SHOX: variants seen among roughly 807,000 people sequenced by gnomAD.
SHOX encodes the protein SHOX homeobox.
SHOX carries 12 observed loss-of-function variants against 29.6 expected under a neutral mutation model. The observed-to-expected ratio is 0.41, with a 90% CI of 0.26 to 0.66. The LOEUF (loss-of-function observed/expected upper bound fraction) is 0.66, where lower values mean the gene tolerates loss of function less well. SHOX is among the 30% of genes least tolerant of loss of function. The probability of loss-of-function intolerance (pLI) is 0.35; values close to 1 mark genes in which losing one functional copy is unlikely to be tolerated. For missense variants in SHOX, 499 were observed against 437.7 expected, an observed-to-expected ratio of 1.14 and a Z score of -1.25; for synonymous variants, 214 against 200.6, an observed-to-expected ratio of 1.07 and a Z score of -0.57.
rs1384107516 is a variant in SHOX, at chrX:646,671, A to G, written c.*2035A>G. 1 of 152,170 alleles carries G rather than the reference A, an allele frequency of 6.6e-6. No homozygotes were observed. Among genetic ancestry groups the G allele is most frequent in the African/African-American group, 2.4e-5 (1 of 41,438 alleles). The allele number at this position is 152,170 out of a possible 1,614,324, so 9.4% of individuals were successfully genotyped here. ...TTTATACAAACCAAAAGTCCCCTTC[A>G]ACATTTTTTATGTCAAAATGTTACA... On this transcript the variant is annotated 3_prime_UTR_variant, in exon 5 of 5. Transcript: ENST00000686671.
At chrX:626,508 CTT>C (rs2052538125), upstream of SHOX, among the ~76,000 whole-genome samples, 1 of 119,672 alleles carries the variant, frequency 8.4e-6, no homozygotes, top group African/African-American at 3.8e-5. Flanking sequence ...CTCTCTGTCT[CTT>C]TTTCTCTGTC....
upstream of SHOX, among the ~76,000 whole-genome samples, chrX:627,249 CCT>C (rs1212272330): frequency 1.3e-5 from 2 of 152,266 alleles, no homozygotes; most frequent in South Asian, 4.1e-4. Flanking sequence ...GGAGCTGCGG[CCT>C]CTCGGACAGC....
intron 1 of SHOX, chrX:631,981 C>A: frequency 2.2e-6 from 1 of 456,104 alleles, no homozygotes; most frequent in South Asian, 1.5e-5. Context: ...AGACTCGAGG[C>A]TGCGTGGTAG....
Position 647,163 on chromosome X carries a change from G to A in SHOX, c.*2527G>A, listed in dbSNP as rs1394276783. The stretch of plus-strand genomic sequence containing the variant: ...ACAATCTCGGCTCACCGCAACCTCC[G>A]CCTCCCGGGTTCAAGCCATTCTCCT... On this transcript the variant is annotated 3_prime_UTR_variant, in exon 5 of 5. Coordinates refer to ENST00000686671, the MANE Select transcript of SHOX (RefSeq NM_000451.4). Among the ~76,000 whole-genome samples, 3 of 152,178 alleles carry A rather than the reference G, an allele frequency of 2.0e-5. No individual in the cohort carries two copies. Among genetic ancestry groups the A allele is most frequent in the Non-Finnish European group, 4.4e-5 (3 of 68,034 alleles).
chrX:642,306 G>T (rs1382174678), intron 4 of SHOX, among the ~76,000 whole-genome samples: 11 of 152,152 alleles, frequency 7.2e-5, no homozygotes, highest in East Asian at 3.9e-4. Context: ...GGCTTGGGGG[G>T]GGGGCTCTGG....
chrX:644,265 C>A (rs2052922265), intron 4 of SHOX, 126 bp from the exon 5 acceptor site: 3 of 1,240,122 alleles, frequency 2.4e-6, no homozygotes, highest in Non-Finnish European at 3.2e-6. Context: ...GTGGTCTCCA[C>A]GGCTGGAGAA....
upstream of SHOX, among the ~76,000 whole-genome samples, chrX:629,185 C>G (rs2052600750): frequency 1.3e-5 from 2 of 149,052 alleles, no homozygotes; most frequent in Admixed American, 6.6e-5. Context: ...CTCTCTTTCT[C>G]TCTCTCTATC....
upstream of SHOX, among the ~76,000 whole-genome samples, chrX:628,367 C>T (rs1205312914): frequency 6.8e-6 from 1 of 147,008 alleles, no homozygotes; most frequent in Non-Finnish European, 1.5e-5. Context: ...CTCTCCCTGT[C>T]TGTTTCTCTC....
At chrX:630,741 G>A (rs755908827), upstream of SHOX, 1 of 916,960 alleles carries the variant, frequency 1.1e-6, no homozygotes, top group African/African-American at 1.6e-5. Context: ...GCGCATGGGG[G>A]GCTGGGCGAG....
At position 649,641 on chromosome X, in the gene SHOX, C is replaced by T. The variant is rs1436886293; in HGVS notation, c.*5005C>T. Among the ~76,000 whole-genome samples, 3 of 152,248 alleles carry T rather than the reference C, an allele frequency of 2.0e-5. No individual in the cohort carries two copies. The highest frequency in any genetic ancestry group is 1.9e-4 in the East Asian group (1 of 5,160). On this transcript the variant is annotated 3_prime_UTR_variant, in exon 5 of 5. Transcript: ENST00000686671. Reference sequence around the variant, plus strand: ...GCAAGGAATACCACCCAGAGAGCAACGTGGGCTGTGTTCCGATGTAACGCC... The same window carrying T: ...GCAAGGAATACCACCCAGAGAGCAATGTGGGCTGTGTTCCGATGTAACGCC...
At chrX:626,927 GTC>G (rs1423534170), upstream of SHOX, among the ~76,000 whole-genome samples, 1 of 141,794 alleles carries the variant, frequency 7.1e-6, no homozygotes, top group Non-Finnish European at 1.5e-5. Flanking sequence ...CTCTACCTGT[GTC>G]TCTCTTTCCT....
intron 3 of SHOX, 59 bp from the exon 4 acceptor site, chrX:640,940 G>A (rs1392387165): frequency 9.9e-6 from 16 of 1,613,198 alleles, no homozygotes; most frequent in African/African-American, 2.7e-5. Flanking sequence ...GGATGGGGTC[G>A]ACGAGGTGCT....
chrX:643,611 C>G, intron 4 of SHOX, among the ~76,000 whole-genome samples: 1 of 134,732 alleles, frequency 7.4e-6, no homozygotes, highest in African/African-American at 3.0e-5. Context: ...GACCTGGTGT[C>G]CTGGGAGAGC....
chrX:630,887 C>T lies in SHOX; in HGVS notation c.-11C>T, dbSNP rs1012127192. The T allele has an allele frequency of 6.2e-7, 1 of 1,612,664 alleles. No individual in the cohort carries two copies. The highest frequency in any genetic ancestry group is 1.3e-5 in the African/African-American group (1 of 74,924). On this transcript the variant is annotated 5_prime_UTR_variant, in exon 1 of 5. Coordinates refer to ENST00000686671, the MANE Select transcript of SHOX (RefSeq NM_000451.4). ...ACCAGCCCCGGCTGCTCGCCAGCCCCGGCCCCAGCCATGGAAGAGCTCACG... is the reference window on the plus strand; with the variant it reads ...ACCAGCCCCGGCTGCTCGCCAGCCCTGGCCCCAGCCATGGAAGAGCTCACG...
intron 2 of SHOX, among the ~76,000 whole-genome samples, chrX:638,432 A>T (rs1441210688): frequency 6.6e-6 from 1 of 152,082 alleles, no homozygotes; most frequent in Non-Finnish European, 1.5e-5. Context: ...GCACAGTGGC[A>T]GGTCACCTGG....
rs1314906630 is a variant in SHOX, at chrX:645,780, G to A, written c.*1144G>A. On this transcript the variant is annotated 3_prime_UTR_variant, in exon 5 of 5. Coordinates refer to ENST00000686671, the MANE Select transcript of SHOX (RefSeq NM_000451.4). ...TTTGGTACCTGAGCTGTTTCTGGTT[G>A]GGAAGCGTAAAAGCCAGGGAGAGAT... 2.0e-5 allele frequency: 3 copies of A among 152,238 alleles called. No individual in the cohort carries two copies. The highest frequency in any genetic ancestry group is 4.4e-5 in the Non-Finnish European group (3 of 68,066). 9.4% of individuals were successfully genotyped at this position (152,238 alleles called of 1,614,324 possible).
chrX:629,089 A>C (rs1314695905), upstream of SHOX, among the ~76,000 whole-genome samples: 34 of 63,472 alleles, frequency 5.4e-4, no homozygotes, highest in South Asian at 2.0e-3. Context: ...CTCTCTCTCC[A>C]TCTCTCTCTG....
At chrX:658,626 G>A (rs28612731) in intron 5 of SHOX, among the ~76,000 whole-genome samples, 41,338 of 149,518 alleles carry the variant, frequency 0.28, 6,617 homozygotes, top group African/African-American at 0.45. Context: ...GCCCGCCACC[G>A]CGCCCGGCTA....
chrX:644,922 G>A lies in SHOX; in HGVS notation c.*286G>A, dbSNP rs2052938291. On this transcript the variant is annotated 3_prime_UTR_variant, in exon 5 of 5. Coordinates refer to ENST00000686671, the MANE Select transcript of SHOX (RefSeq NM_000451.4). The stretch of plus-strand genomic sequence containing the variant: ...CGTGCGTCCTGGGACCCTGGAGAAG[G>A]GTAAACCCCCGCCTGGCTGCGTCTT... 1 of 411,784 alleles carries A rather than the reference G, an allele frequency of 2.4e-6. No individual in the cohort carries two copies. The highest frequency in any genetic ancestry group is 4.1e-5 in the East Asian group (1 of 24,302). The allele number at this position is 411,784 out of a possible 1,614,324, so 25.5% of individuals were successfully genotyped here.
Sources: gnomAD v4.1 joint callset for allele counts (sites outside exome capture counted in the v4.1 genomes callset) on GRCh38, gnomAD v4.1.1 for gene constraint, MANE v1.5 for transcripts, NCBI Gene and HGNC (gene_info 2026-07-23, HGNC 2026-07-21) for gene names.